Variants in RAB3GAP2 observed in about 807,000 individuals in gnomAD.
RAB3GAP2 encodes rab3 GTPase-activating protein non-catalytic subunit.
RAB3GAP2 carries 87 observed loss-of-function variants against 185.3 expected under a neutral mutation model. The observed-to-expected ratio is 0.47, with a 90% CI of 0.39 to 0.56. The LOEUF (loss-of-function observed/expected upper bound fraction) is 0.56. Among genes scored for constraint, RAB3GAP2 ranks in the 20% least tolerant of loss-of-function variants. The pLI, the probability that RAB3GAP2 is intolerant of heterozygous loss-of-function variation, is 0.00. For missense variants in RAB3GAP2, 1,492 were observed against 1,638.2 expected, an observed-to-expected ratio of 0.91 and a Z score of 1.54; for synonymous variants, 554 against 576.1, an observed-to-expected ratio of 0.96 and a Z score of 0.55.
chr1:220,213,741 G>GC lies in RAB3GAP2; in HGVS notation c.304+114_304+115insG, dbSNP rs113619045. The GC allele has an allele frequency of 1.7e-4, 168 of 993,586 alleles. 1 individual carries two copies. Among genetic ancestry groups the GC allele is most frequent in the Non-Finnish European group, 2.0e-4 (142 of 708,940 alleles). 61.5% of individuals were successfully genotyped at this position (993,586 alleles called of 1,614,324 possible). A position where few individuals can be genotyped will look rare whatever the true frequency, so the allele number is the denominator to read the frequency against. On this transcript the variant is annotated intron_variant, in intron 3 of 34. Coordinates refer to ENST00000358951, the MANE Select transcript of RAB3GAP2 (RefSeq NM_012414.4). Reference sequence around the variant, plus strand: ...GGGGCGGAGGAGGAGTTGGGGGGGGGGGGAGAGAGAGAGAAATAAATAAAT... The same window carrying GC: ...GGGGCGGAGGAGGAGTTGGGGGGGGGCGGGAGAGAGAGAGAAATAAATAAAT...
At chr1:220,218,859 C>G (rs80013761) in intron 2 of RAB3GAP2, among the ~76,000 whole-genome samples, 10,501 of 152,188 alleles carry the variant, frequency 0.069, 487 homozygotes, top group South Asian at 0.12. Context: ...TATACCTATT[C>G]CAACTGCAAG....
At chr1:220,162,037 T>C (rs1432087036) in intron 28 of RAB3GAP2, among the ~76,000 whole-genome samples, 161 bp downstream of exon 28, 1 of 152,218 alleles carries the variant, frequency 6.6e-6, no homozygotes, top group East Asian at 1.9e-4. Context: ...CTTTATGTCA[T>C]TAAAATGCCA....
At chr1:220,157,592 C>A in intron 30 of RAB3GAP2, 104 bp from the exon 31 acceptor site, 1 of 1,180,150 alleles carries the variant, frequency 8.5e-7, no homozygotes, top group South Asian at 1.3e-5. Flanking sequence ...TCATATTGCA[C>A]ACTGTCCCAA....
intron 1 of RAB3GAP2, among the ~76,000 whole-genome samples, chr1:220,269,223 T>C (rs149128259): frequency 1.8e-3 from 272 of 152,286 alleles, no homozygotes; most frequent in African/African-American, 6.1e-3. Flanking sequence ...ATCCAAGGCA[T>C]AGACAACAGT....
chr1:220,189,972 T>C (rs1658582856), intron 16 of RAB3GAP2, 92 bp downstream of exon 16: 1 of 1,151,408 alleles, frequency 8.7e-7, no homozygotes, highest in Non-Finnish European at 1.3e-6. Context: ...AGCTCATCCA[T>C]GCATTATTTT....
At chr1:220,171,342 T>C (rs779492022) in intron 23 of RAB3GAP2, among the ~76,000 whole-genome samples, 2 of 152,024 alleles carry the variant, frequency 1.3e-5, no homozygotes, top group African/African-American at 2.4e-5. Context: ...TTATAAGGAG[T>C]CCTGCACTAA....
chr1:220,220,521 G>A lies in RAB3GAP2; in HGVS notation c.181-6542C>T, dbSNP rs567524205. Reference sequence around the variant, plus strand: ...TGCTGAAAAGGCCTCTGTCCCGTTTGTGGATAAGACAGTGCAGCCCAACCA... The same window carrying A: ...TGCTGAAAAGGCCTCTGTCCCGTTTATGGATAAGACAGTGCAGCCCAACCA... On this transcript the variant is annotated intron_variant, in intron 2 of 34. Coordinates refer to ENST00000358951, the MANE Select transcript of RAB3GAP2 (RefSeq NM_012414.4). 2.6e-5 allele frequency: 4 copies of A among 152,500 alleles called. No homozygotes were observed. The East Asian group carries it at 5.8e-4, about 22-fold the overall frequency. 9.4% of individuals were successfully genotyped at this position (152,500 alleles called of 1,614,324 possible). A position where few individuals can be genotyped will look rare whatever the true frequency, so the allele number is the denominator to read the frequency against.
rs372125728 is a variant in RAB3GAP2, at chr1:220,189,684, G to A, written c.1779+19C>T. The A allele has an allele frequency of 1.6e-5, 25 of 1,548,772 alleles. No individual in the cohort carries two copies. In the African/African-American group the frequency reaches 1.6e-4, roughly 10 times the overall value. ...ATTATAGCTACTAGCAGGAAAGTTC[G>A]TGTATTATATACACTTACTTGTTTT... On this transcript the variant is annotated intron_variant, in intron 17 of 34. Coordinates refer to ENST00000358951, the MANE Select transcript of RAB3GAP2 (RefSeq NM_012414.4).
Position 220,201,791 on chromosome 1 carries a change from T to A in RAB3GAP2, c.811+485A>T, listed in dbSNP as rs147124153. Among the ~76,000 whole-genome samples, 936 of 152,264 alleles carry A rather than the reference T, an allele frequency of 6.1e-3. 11 individuals carry two copies. Among genetic ancestry groups the A allele is most frequent in the Non-Finnish European group, 0.01 (683 of 68,000 alleles). On this transcript the variant is annotated intron_variant, in intron 9 of 34. Coordinates refer to ENST00000358951, the MANE Select transcript of RAB3GAP2 (RefSeq NM_012414.4). The stretch of plus-strand genomic sequence containing the variant: ...CTGGGATTACAGGTGTTAGCCATCA[T>A]GCCCAGTTTTAAAGATATATGCCTA...
intron 21 of RAB3GAP2, among the ~76,000 whole-genome samples, chr1:220,176,830 T>C (rs147239910): frequency 1.5e-4 from 23 of 152,272 alleles, no homozygotes; most frequent in Admixed American, 2.6e-4. Flanking sequence ...CATGCCTCTC[T>C]GAGCCAACAT....
intron 2 of RAB3GAP2, among the ~76,000 whole-genome samples, chr1:220,215,119 C>T (rs1335510425): frequency 1.3e-5 from 2 of 151,658 alleles, no homozygotes; most frequent in East Asian, 1.9e-4. Flanking sequence ...TCCCGATATG[C>T]GTGGACATTT....
rs35024056 is a variant in RAB3GAP2 at position 220,164,473 on chromosome 1, G to GTTT, written c.3154+257_3154+259dup. 2.3e-4 allele frequency among the ~76,000 whole-genome samples: 24 copies of GTTT among 105,642 alleles called. 1 individual carries two copies. Among genetic ancestry groups the GTTT allele is most frequent in the African/African-American group, 5.5e-4 (15 of 27,252 alleles). The allele number at this position is 105,642 out of a possible 152,430, so 69.3% of individuals were successfully genotyped here. On this transcript the variant is annotated intron_variant, in intron 27 of 34. Coordinates refer to ENST00000358951, the MANE Select transcript of RAB3GAP2 (RefSeq NM_012414.4). Reference sequence around the variant, plus strand: ...TTTTTTTTGTTTTGTTTTTTGTTTTGTTTTTTTTTTTTTTTTTTTAGAGAC... The same window carrying GTTT: ...TTTTTTTTGTTTTGTTTTTTGTTTTGTTTTTTTTTTTTTTTTTTTTTTAGAGAC...
rs200053302 is a variant in RAB3GAP2, at chr1:220,195,082, C to T, written c.1126G>A (p.Val376Ile). 532 of 1,614,040 alleles carry T rather than the reference C, an allele frequency of 3.3e-4. 3 individuals carry two copies. The highest frequency in any genetic ancestry group is 4.2e-5 in the Non-Finnish European group (50 of 1,179,908). The change falls in exon 12 of 35, where the codon GTA (valine) becomes ATA (isoleucine). Residue 376 changes from valine to isoleucine, a missense_variant. Coordinates refer to ENST00000358951, the MANE Select transcript of RAB3GAP2 (RefSeq NM_012414.4). ...PKVEPATPLAVRFGLPDSRRH... is the reference protein window; with the variant it reads ...PKVEPATPLAIRFGLPDSRRH... ...TGGGAAGCATGACAGACTTGCCTTA[C>T]AGCTAATGGGGTAGCTGGCTCAACC...
In RAB3GAP2 at chr1:220,150,929, TAATCTA is replaced by T. The variant is rs1657740837; in HGVS notation, c.*316_*321del. On this transcript the variant is annotated 3_prime_UTR_variant, in exon 35 of 35. Coordinates refer to ENST00000358951, the MANE Select transcript of RAB3GAP2 (RefSeq NM_012414.4). ...GGAAATATAGAATCTTATAAGAACA[TAATCTA>T]AATTATAACCAATTTTAAATAGCAA... 2 of 306,972 alleles carry T rather than the reference TAATCTA, an allele frequency of 6.5e-6. No homozygotes were observed. Among genetic ancestry groups the T allele is most frequent in the East Asian group, 1.6e-4 (2 of 12,310 alleles). The allele number at this position is 306,972 out of a possible 1,614,324, so 19.0% of individuals were successfully genotyped here.
rs1238440821 is a variant in RAB3GAP2, at chr1:220,149,237, CTA to C, written c.*2012_*2013del. ...CAAGTCAGAATTAGATTTTAAAATT[CTA>C]TGAAAAATTTTAGGATAACAAATCT... is the stretch of plus-strand genomic sequence containing the variant. On this transcript the variant is annotated 3_prime_UTR_variant, in exon 35 of 35. Transcript: ENST00000358951. The C allele has an allele frequency of 2.0e-5, 3 of 152,038 alleles. No homozygotes were observed. The highest frequency in any genetic ancestry group is 2.0e-4 in the Admixed American group (3 of 15,268). The allele number at this position is 152,038 out of a possible 1,614,324, so 9.4% of individuals were successfully genotyped here.
chr1:220,251,702 G>A (rs1301683946), intron 1 of RAB3GAP2, among the ~76,000 whole-genome samples: 2 of 152,194 alleles, frequency 1.3e-5, no homozygotes, highest in African/African-American at 4.8e-5. Context: ...AATTTTTAGA[G>A]TAATTTGGCA....
chr1:220,230,638 C>T (rs990138243), intron 2 of RAB3GAP2, among the ~76,000 whole-genome samples: 9 of 152,166 alleles, frequency 5.9e-5, no homozygotes, highest in Non-Finnish European at 1.2e-4. Flanking sequence ...CTGTTCTTTT[C>T]CTCATCCTCC....
intron 1 of RAB3GAP2, chr1:220,271,375 T>TAAAAC (rs1194752593): frequency 7.2e-6 from 1 of 139,010 alleles, no homozygotes; most frequent in Non-Finnish European, 1.6e-5. Context: ...TAAAATAAAA[T>TAAAAC]AAAACACAAG....
Position 220,171,956 on chromosome 1 carries a change from G to A in RAB3GAP2, c.2510C>T (p.Ala837Val), listed in dbSNP as rs757425696. The change falls in exon 23 of 35, where the codon GCT becomes GTT. Residue 837 changes from alanine to valine, a missense_variant. Around this residue, in one of 5 missense-constraint regions of RAB3GAP2, gnomAD observed 681 missense variants for 689.1 expected, o/e 0.99. Transcript: ENST00000358951. ...ACIQSENNGAALLSAHVGHSV... is the reference protein window; with the variant it reads ...ACIQSENNGAVLLSAHVGHSV... ...ATGCCCAACATGCGCAGACAACAGA[G>A]CGGCTCCATTGTTCTCAGACTGAAT... 2 of 1,614,218 alleles carry A rather than the reference G, an allele frequency of 1.2e-6. No individual in the cohort carries two copies. The highest frequency in any genetic ancestry group is 8.5e-7 in the Non-Finnish European group (1 of 1,180,046).
Sources: gnomAD v4.1 joint callset for allele counts (sites outside exome capture counted in the v4.1 genomes callset) on GRCh38, gnomAD v4.1.1 for gene constraint, gnomAD v4.1.1 regional missense constraint, MANE v1.5 for transcripts, NCBI Gene and HGNC (gene_info 2026-07-23, HGNC 2026-07-21) for gene names.